Variants in SFRP1 observed in about 807,000 individuals in gnomAD.
SFRP1 encodes secreted frizzled related protein 1.
Under a neutral mutation model 25.9 loss-of-function variants are expected in SFRP1, and 9 were observed. The observed-to-expected ratio is 0.35, with a 90% CI of 0.21 to 0.61. The LOEUF is 0.61. SFRP1 is among the 20% of genes least tolerant of loss of function. The pLI is 0.78. For missense variants in SFRP1, 346 were observed against 418.2 expected (o/e 0.83, Z 1.51); for synonymous variants, 178 against 174.0 (o/e 1.02, Z -0.18).
At chr8:41,288,888 T>C (rs1206984919) in intron 2 of SFRP1, among the ~76,000 whole-genome samples, 1 of 152,148 alleles carries the variant, frequency 6.6e-6, no homozygotes, top group East Asian at 1.9e-4. Context: ...CAGAGACACA[T>C]TCAGGAGAGG....
At chr8:41,303,188 C>T (rs574927428) in intron 2 of SFRP1, among the ~76,000 whole-genome samples, 10 of 151,988 alleles carry the variant, frequency 6.6e-5, no homozygotes, top group South Asian at 6.3e-4. Flanking sequence ...CGACCTGTCC[C>T]CAAATCAGCC....
chr8:41,291,649 G>A (rs1803780280), intron 2 of SFRP1, among the ~76,000 whole-genome samples: 1 of 152,080 alleles, frequency 6.6e-6, no homozygotes, highest in Non-Finnish European at 1.5e-5. Flanking sequence ...CCTCTAGATG[G>A]TAAGGCCTGG....
intron 2 of SFRP1, chr8:41,275,233 CAGTTCCTCCAGTAGG>C: frequency 2.2e-6 from 1 of 446,186 alleles, no homozygotes; most frequent in Non-Finnish European, 4.5e-6. Flanking sequence ...ATTCATACAG[CAGTTCCTCCAGTAGG>C]AGAGCGAGAG....
At chr8:41,286,684 T>G (rs1339512017) in intron 2 of SFRP1, among the ~76,000 whole-genome samples, 1 of 152,146 alleles carries the variant, frequency 6.6e-6, no homozygotes, top group Non-Finnish European at 1.5e-5. Flanking sequence ...CACCCTGGCG[T>G]CATCCCTTTC....
Position 41,290,678 on chromosome 8 carries a change from G to C in SFRP1, c.622+12783C>G, listed in dbSNP as rs1023089491. Among the ~76,000 whole-genome samples the C allele has an allele frequency of 2.0e-5, 3 of 152,090 alleles. No individual in the cohort carries two copies. In the East Asian group the frequency reaches 5.8e-4, roughly 29 times the overall value. ...AGCCACCTCCCGAGGGCTCCTTCAA[G>C]TGGGTGGCCCTGAGCAGGCCCAGAC... On this transcript the variant is annotated intron_variant, in intron 2 of 2. Coordinates refer to ENST00000220772, the MANE Select transcript of SFRP1 (RefSeq NM_003012.5).
chr8:41,308,555 CTGCAGCTCCGGCCGGGGGAT>C lies in SFRP1; in HGVS notation c.544+41_544+60del. 2.2e-6 allele frequency: 3 copies of C among 1,386,602 alleles called. No homozygotes were observed. In the South Asian group the frequency reaches 4.2e-5, roughly 19 times the overall value. The allele number at this position is 1,386,602 out of a possible 1,614,324, so 85.9% of individuals were successfully genotyped here. A position where few individuals can be genotyped will look rare whatever the true frequency, so the allele number is the denominator to read the frequency against. Reference sequence around the variant, plus strand: ...CGGGCGTAGGGTGGCGCGGGTTCTCCTGCAGCTCCGGCCGGGGGATGGAGGGGGCGGCTCGCGCACGTGGG... The same window carrying C: ...CGGGCGTAGGGTGGCGCGGGTTCTCCGGAGGGGGCGGCTCGCGCACGTGGG... On this transcript the variant is annotated intron_variant, in intron 1 of 2. Coordinates refer to ENST00000220772, the MANE Select transcript of SFRP1 (RefSeq NM_003012.5).
rs140143991 is a variant in SFRP1 at position 41,292,831 on chromosome 8, C to T, written c.622+10630G>A. On this transcript the variant is annotated intron_variant, in intron 2 of 2. Coordinates refer to ENST00000220772, the MANE Select transcript of SFRP1 (RefSeq NM_003012.5). ...AAAAGAAAACACATGCACAAACACA[C>T]ATCATGAGCCTGTTTTTAAATGAAT... Among the ~76,000 whole-genome samples the T allele has an allele frequency of 1.5e-3, 230 of 152,308 alleles. 1 individual carries two copies. The highest frequency in any genetic ancestry group is 4.9e-3 in the African/African-American group (205 of 41,562).
intron 2 of SFRP1, among the ~76,000 whole-genome samples, chr8:41,299,737 C>T (rs974470004): frequency 2.0e-5 from 3 of 150,252 alleles, no homozygotes; most frequent in Non-Finnish European, 4.4e-5. Context: ...AGCTGACAAA[C>T]TTTCATTTTA....
intron 2 of SFRP1, among the ~76,000 whole-genome samples, chr8:41,303,088 A>G (rs1375201976): frequency 6.6e-6 from 1 of 151,382 alleles, no homozygotes; most frequent in African/African-American, 2.4e-5. Context: ...CAGTCCGGAA[A>G]AAACCGGGCC....
chr8:41,307,386 T>A (rs867782600), intron 1 of SFRP1, among the ~76,000 whole-genome samples: 3 of 152,184 alleles, frequency 2.0e-5, no homozygotes, highest in African/African-American at 7.2e-5. Flanking sequence ...ATTTGGGGTA[T>A]CCCTTTCCCC....
chr8:41,265,317 G>A lies in SFRP1; in HGVS notation c.795C>T (p.Ser265=). 1 of 1,614,162 alleles carries A rather than the reference G, an allele frequency of 6.2e-7. No homozygotes were observed. The highest frequency in any genetic ancestry group is 2.2e-5 in the East Asian group (1 of 44,880). ...TGCGGCCCATGATGAGGAAGTGGTG[G>A]CTGAGGTTGTCCAGCTGGTGGCAGG... The part of the protein sequence containing the change: ...DCPCHQLDNL[S]HHFLIMGRKV... Residue 265 remains serine (S), a synonymous_variant, in exon 3 of 3, where the codon AGC becomes AGT. Transcript: ENST00000220772.
intron 1 of SFRP1, chr8:41,307,018 G>A (rs1177999967): frequency 1.4e-6 from 2 of 1,444,450 alleles, no homozygotes; most frequent in African/African-American, 1.4e-5. Context: ...GAGACCATCG[G>A]AAGCCATTGG....
At chr8:41,278,844 C>T (rs1803601714) in intron 2 of SFRP1, among the ~76,000 whole-genome samples, 1 of 152,248 alleles carries the variant, frequency 6.6e-6, no homozygotes, top group South Asian at 2.1e-4. Flanking sequence ...TGAGAGACCC[C>T]TGACAAAGTT....
intron 2 of SFRP1, among the ~76,000 whole-genome samples, chr8:41,268,302 G>T (rs983112207): frequency 6.6e-6 from 1 of 152,180 alleles, no homozygotes; most frequent in Admixed American, 6.5e-5. Context: ...GCCACAGTTT[G>T]TAAGAGACAG....
chr8:41,281,871 C>T (rs945391669), intron 2 of SFRP1, among the ~76,000 whole-genome samples: 1 of 152,202 alleles, frequency 6.6e-6, no homozygotes, highest in Non-Finnish European at 1.5e-5. Context: ...CTACCCTGAT[C>T]GTGATTTGTC....
intron 2 of SFRP1, among the ~76,000 whole-genome samples, chr8:41,299,791 C>T (rs1388321934): frequency 1.3e-5 from 2 of 151,796 alleles, no homozygotes; most frequent in Non-Finnish European, 2.9e-5. Context: ...TATTTGAGTG[C>T]AAATAGGCCT....
At chr8:41,272,631 T>G (rs1314590494) in intron 2 of SFRP1, among the ~76,000 whole-genome samples, 3 of 152,200 alleles carry the variant, frequency 2.0e-5, no homozygotes, top group Non-Finnish European at 2.9e-5. Context: ...AGAATATTTT[T>G]TAAATTTTTT....
intron 2 of SFRP1, 88 bp downstream of exon 2, chr8:41,303,373 C>A (rs977035706): frequency 1.1e-5 from 10 of 937,452 alleles, no homozygotes; most frequent in Non-Finnish European, 1.4e-5. Context: ...AAAGCTGCAA[C>A]GAGATACATC....
chr8:41,303,250 A>G (rs1050443828), intron 2 of SFRP1, among the ~76,000 whole-genome samples: 2 of 151,800 alleles, frequency 1.3e-5, no homozygotes, highest in African/African-American at 2.4e-5. Context: ...GATCCCCCAC[A>G]AAGGAGGGCA....
Sources: gnomAD v4.1 joint callset for allele counts (sites outside exome capture counted in the v4.1 genomes callset) on GRCh38, gnomAD v4.1.1 for gene constraint, MANE v1.5 for transcripts, NCBI Gene and HGNC (gene_info 2026-07-23, HGNC 2026-07-21) for gene names.